SHC4: variants seen among roughly 807,000 people sequenced by gnomAD.
SHC4 encodes SHC adaptor protein 4, also known as SHC-transforming protein 4.
In SHC4, 41 loss-of-function variants were observed where a neutral mutation model predicts 69.4. That is an observed-to-expected ratio of 0.59 (90% CI 0.46 to 0.77). The LOEUF is 0.77. Ranked by LOEUF, SHC4 falls within the 30% of genes least tolerant of loss-of-function variation. The pLI is 0.00. For synonymous variants in SHC4, 318 were observed against 299.3 expected, an observed-to-expected ratio of 1.06 and a Z score of -0.64; for missense variants, 777 against 783.8, an observed-to-expected ratio of 0.99 and a Z score of 0.10.
chr15:48,930,128 T>C (rs1267504337), intron 1 of SHC4, among the ~76,000 whole-genome samples: 2 of 152,242 alleles, frequency 1.3e-5, no homozygotes, highest in African/African-American at 4.8e-5. Context: ...TACATATTCT[T>C]ATACTCTTAG....
intron 3 of SHC4, 91 bp downstream of exon 3, chr15:48,890,657 G>A (rs756452985): frequency 8.4e-6 from 12 of 1,422,960 alleles, no homozygotes; most frequent in Non-Finnish European, 1.2e-5. Context: ...GCTGGACCTT[G>A]GTCATATGGT....
chr15:48,900,225 T>C (rs978827883), intron 2 of SHC4, among the ~76,000 whole-genome samples: 6 of 152,194 alleles, frequency 3.9e-5, no homozygotes, highest in African/African-American at 1.4e-4. Context: ...AAGGGCTTTA[T>C]GGCTGGGCGC....
chr15:48,918,451 G>T (rs575777068), intron 2 of SHC4, among the ~76,000 whole-genome samples: 95 of 152,008 alleles, frequency 6.2e-4, no homozygotes, highest in Non-Finnish European at 1.3e-3. Context: ...TTCCTTTTTT[G>T]TCATTCTCTC....
At chr15:48,910,108 T>G (rs1268656368) in intron 2 of SHC4, among the ~76,000 whole-genome samples, 6 of 152,154 alleles carry the variant, frequency 3.9e-5, no homozygotes, top group Non-Finnish European at 8.8e-5. Context: ...CTCTATATTG[T>G]GTAATAATGT....
At chr15:48,962,329 A>G (rs1901557737) in intron 1 of SHC4, 102 bp downstream of exon 1, 1 of 1,264,070 alleles carries the variant, frequency 7.9e-7, no homozygotes, top group Admixed American at 2.8e-5. Flanking sequence ...GTCCTGTCCA[A>G]ACACAGAACC....
chr15:48,881,669 G>T (rs1899949295), intron 4 of SHC4, among the ~76,000 whole-genome samples: 1 of 152,176 alleles, frequency 6.6e-6, no homozygotes, highest in Non-Finnish European at 1.5e-5. Flanking sequence ...AATCAGTAAA[G>T]AATTAGTGGG....
rs184874334 is a variant in SHC4 at position 48,937,355 on chromosome 15, G to C, written c.586-12406C>G. Among the ~76,000 whole-genome samples, 2 of 152,154 alleles carry C rather than the reference G, an allele frequency of 1.3e-5. 1 individual carries two copies. Among genetic ancestry groups the C allele is most frequent in the African/African-American group, 4.8e-5 (2 of 41,520 alleles). Reference sequence around the variant, plus strand: ...TGGGATTACAGGTCTGAGCCACCACGCCTGGCCCTGATGCCTTTTTACAGA... The same window carrying C: ...TGGGATTACAGGTCTGAGCCACCACCCCTGGCCCTGATGCCTTTTTACAGA... On this transcript the variant is annotated intron_variant, in intron 1 of 11. Coordinates refer to ENST00000332408, the MANE Select transcript of SHC4 (RefSeq NM_203349.4).
At chr15:48,887,437 A>C (rs1381205181) in intron 3 of SHC4, among the ~76,000 whole-genome samples, 1 of 152,224 alleles carries the variant, frequency 6.6e-6, no homozygotes, top group Non-Finnish European at 1.5e-5. Context: ...ACTAGTGGCT[A>C]GGTTTTTTGT....
chr15:48,962,832 C>A lies in SHC4; in HGVS notation c.184G>T (p.Ala62Ser). The change falls in exon 1 of 12, where the codon GCC (alanine) becomes TCC (serine). Residue 62 changes from alanine to serine, a missense_variant. By Grantham distance (99) the Ala-to-Ser change is moderately conservative. Coordinates refer to ENST00000332408, the MANE Select transcript of SHC4 (RefSeq NM_203349.4). ...TCAGTCGGCAGGTGAGGTGCCAGGG[C>A]GGGGTGGGGAGGCTGCGGCGAGCCC... ...NKGSPQPPHP[A>S]LAPHLPTEDA... The A allele has an allele frequency of 8.0e-6, 11 of 1,375,124 alleles. No homozygotes were observed. Among genetic ancestry groups the A allele is most frequent in the Non-Finnish European group, 1.1e-5 (11 of 1,007,874 alleles). 85.2% of individuals were successfully genotyped at this position (1,375,124 alleles called of 1,614,324 possible). A position where few individuals can be genotyped will look rare whatever the true frequency, so the allele number is the denominator to read the frequency against.
chr15:48,962,951 GGGT>G lies in SHC4; in HGVS notation c.62_64del (p.His21del). The G allele has an allele frequency of 6.2e-7, 1 of 1,613,178 alleles. No homozygotes were observed. Among genetic ancestry groups the G allele is most frequent in the South Asian group, 1.1e-5 (1 of 91,088 alleles). ...GTACTTGGCCCTGTGCAGCATCCCG[GGGT>G]GCCCGAAGAGTCCTACATACAGCAC... On this transcript the variant is annotated inframe_deletion, in exon 1 of 12. Coordinates refer to ENST00000332408, the MANE Select transcript of SHC4 (RefSeq NM_203349.4).
At chr15:48,931,674 G>A (rs975915084) in intron 1 of SHC4, among the ~76,000 whole-genome samples, 2 of 151,878 alleles carry the variant, frequency 1.3e-5, no homozygotes. Context: ...CAATACTGGG[G>A]TCTCATCATA....
At chr15:48,955,277 A>G (rs1901427080) in intron 1 of SHC4, among the ~76,000 whole-genome samples, 1 of 152,116 alleles carries the variant, frequency 6.6e-6, no homozygotes, top group African/African-American at 2.4e-5. Context: ...GGGTGTGCAA[A>G]CCTAGCCACC....
At chr15:48,877,783 C>T in intron 4 of SHC4, 1 of 182,572 alleles carries the variant, frequency 5.5e-6, no homozygotes, top group South Asian at 1.5e-4. Context: ...ATTTACAAGT[C>T]ATCAGTACAT....
chr15:48,944,855 T>C (rs1045651356), intron 1 of SHC4, among the ~76,000 whole-genome samples: 1 of 152,200 alleles, frequency 6.6e-6, no homozygotes, highest in South Asian at 2.1e-4. Flanking sequence ...AAGTAACGTT[T>C]TAATCCCCAT....
chr15:48,934,638 T>G lies in SHC4; in HGVS notation c.586-9689A>C, dbSNP rs139855484. Among the ~76,000 whole-genome samples the G allele has an allele frequency of 8.9e-3, 1,355 of 152,102 alleles. 17 individuals carry two copies. The highest frequency in any genetic ancestry group is 0.031 in the African/African-American group (1,305 of 41,494). On this transcript the variant is annotated intron_variant, in intron 1 of 11. Transcript: ENST00000332408. Reference sequence around the variant, plus strand: ...TGAAAGCATATGTCCACACAAAAACTTGCACCTAAATGTTCATAGCAGCAT... The same window carrying G: ...TGAAAGCATATGTCCACACAAAAACGTGCACCTAAATGTTCATAGCAGCAT...
intron 1 of SHC4, among the ~76,000 whole-genome samples, chr15:48,944,072 T>A (rs1901228516): frequency 6.6e-6 from 1 of 152,166 alleles, no homozygotes; most frequent in Non-Finnish European, 1.5e-5. Flanking sequence ...TTTTTATGTC[T>A]TCTTCAGAAA....
At chr15:48,878,155 T>G (rs1386808486) in intron 4 of SHC4, 1 of 1,521,600 alleles carries the variant, frequency 6.6e-7, no homozygotes, top group Non-Finnish European at 8.8e-7. Context: ...AGCTTTTTCC[T>G]AGAGGTTGAG....
chr15:48,959,093 G>A (rs959122241), intron 1 of SHC4, among the ~76,000 whole-genome samples: 1 of 152,136 alleles, frequency 6.6e-6, no homozygotes, highest in Non-Finnish European at 1.5e-5. Flanking sequence ...TTAACCCAAA[G>A]TCAACTCTAG....
chr15:48,917,787 C>T (rs1380897877), intron 2 of SHC4, among the ~76,000 whole-genome samples: 1 of 5,908 alleles, frequency 1.7e-4, no homozygotes, highest in Non-Finnish European at 0.011. Flanking sequence ...TTTTCCTCTG[C>T]TCTATCTGAG....
Sources: allele counts gnomAD v4.1 joint callset (sites outside exome capture counted in the v4.1 genomes callset), GRCh38; gene constraint gnomAD v4.1.1; transcripts MANE v1.5; gene names NCBI Gene and HGNC (gene_info 2026-07-23, HGNC 2026-07-21).